TNC: variants seen among roughly 807,000 people sequenced by gnomAD.
TNC encodes tenascin.
A neutral mutation model predicts 202.4 loss-of-function variants in TNC; 109 were observed. The ratio of observed to expected loss-of-function variants is 0.54; its 90% CI spans 0.46 to 0.63. The LOEUF (loss-of-function observed/expected upper bound fraction) is 0.63. TNC is among the 30% of genes least tolerant of loss of function. The probability of loss-of-function intolerance (pLI) is 0.00; values close to 1 mark genes in which losing one functional copy is unlikely to be tolerated. For missense variants in TNC, 2,756 were observed against 2,833.3 expected (o/e 0.97, Z 0.62); for synonymous variants, 1,007 against 1,089.7 (o/e 0.92, Z 1.50).
At chr9:115,058,419 C>T (rs1368380322) in intron 14 of TNC, among the ~76,000 whole-genome samples, 1 of 152,190 alleles carries the variant, frequency 6.6e-6, no homozygotes, top group Non-Finnish European at 1.5e-5. Flanking sequence ...GAAAAACACA[C>T]ACACATAAAA....
In TNC at chr9:115,057,244, T is replaced by G. The variant is rs747102821; in HGVS notation, c.4488A>C (p.Ser1496=). The stretch of plus-strand genomic sequence containing the variant: ...TAAAATCAGTACTAGGGGGTAGCCC[T>G]GAGATATGGGCAGTTCGTTCAGCAC... The part of the protein sequence containing the change: ...ISGAERTAHI[S]GLPPSTDFIV... The change falls in exon 15 of 28, where the codon TCA becomes TCC. Residue 1496 remains serine, a synonymous_variant. Coordinates refer to ENST00000350763, the MANE Select transcript of TNC (RefSeq NM_002160.4). The G allele has an allele frequency of 6.2e-7, 1 of 1,614,092 alleles. No individual in the cohort carries two copies. Among genetic ancestry groups the G allele is most frequent in the Non-Finnish European group, 8.5e-7 (1 of 1,179,956 alleles).
chr9:115,044,027 T>A (rs1016211055), intron 17 of TNC, among the ~76,000 whole-genome samples: 1 of 152,168 alleles, frequency 6.6e-6, no homozygotes, highest in Non-Finnish European at 1.5e-5. Flanking sequence ...AGAGCCATGA[T>A]GAAACTCCAA....
At chr9:115,067,320 C>T (rs959776043) in intron 10 of TNC, among the ~76,000 whole-genome samples, 1 of 151,248 alleles carries the variant, frequency 6.6e-6, no homozygotes, top group Admixed American at 6.6e-5. Context: ...GTCTTCTTAG[C>T]TCTCCTTCTT....
At chr9:115,029,779 A>G (rs1829811449) in intron 24 of TNC, among the ~76,000 whole-genome samples, 1 of 152,106 alleles carries the variant, frequency 6.6e-6, no homozygotes, top group African/African-American at 2.4e-5. Context: ...GTGTATATGA[A>G]AACTTCTGTT....
chr9:115,059,027 G>T (rs1173191976), intron 14 of TNC, among the ~76,000 whole-genome samples: 1 of 152,174 alleles, frequency 6.6e-6, no homozygotes, highest in African/African-American at 2.4e-5. Flanking sequence ...GACATTCATA[G>T]CCCAGGACAT....
At chr9:115,044,805 T>G (rs1245834417) in intron 17 of TNC, among the ~76,000 whole-genome samples, 3 of 152,204 alleles carry the variant, frequency 2.0e-5, no homozygotes, top group Non-Finnish European at 2.9e-5. Flanking sequence ...CTTACTAGGT[T>G]GCTGCCTGGA....
Position 115,086,169 on chromosome 9 carries a change from C to G in TNC, c.1562G>C (p.Gly521Ala). ...CVDGQCVCED[G>A]FTGPDCAELS... ...TTCTGCACAGTCAGGGCCGGTGAAG[C>G]CGTCCTCACAGACGCACTGTCCGTC... is the stretch of plus-strand genomic sequence containing the variant. Residue 521 changes from glycine (G) to alanine (A), a missense_variant, in exon 3 of 28, where the codon GGC (glycine) becomes GCC (alanine). Around this residue, in one of 2 missense-constraint regions of TNC, gnomAD observed 2,559 missense variants for 2,546.0 expected, o/e 1.01. Transcript: ENST00000350763. 6.2e-7 allele frequency: 1 copy of G among 1,614,162 alleles called. No homozygotes were observed.
chr9:115,036,814 A>G (rs1830366679), intron 20 of TNC, among the ~76,000 whole-genome samples: 1 of 152,106 alleles, frequency 6.6e-6, no homozygotes, highest in Non-Finnish European at 1.5e-5. Context: ...TTTATTTCCT[A>G]TTCACAGGTG....
At chr9:115,062,239 G>A (rs536192736) in intron 13 of TNC, among the ~76,000 whole-genome samples, 17 of 152,234 alleles carry the variant, frequency 1.1e-4, no homozygotes, top group African/African-American at 4.1e-4. Context: ...TATTGCTCAC[G>A]ACAGTTTCCT....
chr9:115,101,706 G>A (rs1156819668), intron 1 of TNC, among the ~76,000 whole-genome samples: 5 of 152,188 alleles, frequency 3.3e-5, no homozygotes, highest in Non-Finnish European at 5.9e-5. Context: ...AATAGGCCAA[G>A]TAAGGAGCTA....
intron 2 of TNC, among the ~76,000 whole-genome samples, chr9:115,087,812 C>T (rs2133552390): frequency 6.6e-6 from 1 of 151,544 alleles, no homozygotes. Flanking sequence ...TGCCATTCTC[C>T]TGCCTCAGCC....
chr9:115,060,944 G>A (rs956124027), intron 13 of TNC, among the ~76,000 whole-genome samples: 2 of 152,176 alleles, frequency 1.3e-5, no homozygotes, highest in African/African-American at 2.4e-5. Flanking sequence ...TCAGTAAATG[G>A]TGCAGAACAG....
chr9:115,109,956 G>T (rs780644385), intron 1 of TNC, among the ~76,000 whole-genome samples: 9 of 152,212 alleles, frequency 5.9e-5, no homozygotes, highest in Non-Finnish European at 1.3e-4. Context: ...TTCCAGTTGT[G>T]CTAGGTTTCA....
At chr9:115,069,822 CCCTT>C (rs1462701979) in intron 10 of TNC, among the ~76,000 whole-genome samples, 2 of 122,996 alleles carry the variant, frequency 1.6e-5, no homozygotes, top group East Asian at 2.6e-4. Flanking sequence ...CTCCCTCCCT[CCCTT>C]CCTTCCTCCC....
In TNC at chr9:115,030,476, A is replaced by T. The variant is rs1426581867; in HGVS notation, c.5921-71T>A. On this transcript the variant is annotated intron_variant, in intron 23 of 27. Coordinates refer to ENST00000350763, the MANE Select transcript of TNC (RefSeq NM_002160.4). Reference sequence around the variant, plus strand: ...GAGCTGGAGCTTAATTCTTAGCTTAACTCTATGGACTAGAATGCCTGGGGA... The same window carrying T: ...GAGCTGGAGCTTAATTCTTAGCTTATCTCTATGGACTAGAATGCCTGGGGA... The T allele has an allele frequency of 3.4e-6, 5 of 1,468,370 alleles. No homozygotes were observed. In the Admixed American group the frequency reaches 8.6e-5, roughly 25 times the overall value. 91.0% of individuals were successfully genotyped at this position (1,468,370 alleles called of 1,614,324 possible).
intron 26 of TNC, among the ~76,000 whole-genome samples, chr9:115,024,525 T>C (rs1007687301): frequency 2.6e-5 from 4 of 152,220 alleles, no homozygotes; most frequent in African/African-American, 7.2e-5. Flanking sequence ...TAAAGGTGTA[T>C]GCTAAACAGG....
intron 13 of TNC, among the ~76,000 whole-genome samples, chr9:115,060,881 T>A (rs1832491687): frequency 6.6e-6 from 1 of 152,210 alleles, no homozygotes; most frequent in Non-Finnish European, 1.5e-5. Context: ...AGAGCAAAGC[T>A]GTTTGTGTGA....
At position 115,076,053 on chromosome 9, in the gene TNC, C is replaced by T. The variant is rs1833823628; in HGVS notation, c.2929G>A (p.Ala977Thr). The change falls in exon 9 of 28, where the codon GCG (alanine) becomes ACG (threonine). Residue 977 changes from alanine (A) to threonine (T), a missense_variant. Physicochemically the swap from Ala to Thr is moderately conservative, Grantham distance 58 (BLOSUM62 0). Transcript: ENST00000350763. ...AVKEDKESNP[A>T]TINAATELDT... is the part of the protein sequence containing the mutation. ...CCACCTGTGGCTGCGTTGATGGTCG[C>T]TGGATTGCTCTCCTTGTCTTCCTTC... 6.2e-7 allele frequency: 1 copy of T among 1,614,010 alleles called. No homozygotes were observed. Among genetic ancestry groups the T allele is most frequent in the South Asian group, 1.1e-5 (1 of 91,084 alleles).
At chr9:115,080,526 C>A (rs1225975317) in intron 6 of TNC, among the ~76,000 whole-genome samples, 2 of 152,086 alleles carry the variant, frequency 1.3e-5, no homozygotes, top group Non-Finnish European at 2.9e-5. Context: ...CAAGAAGAGT[C>A]GATTACTTAA....
Sources: allele counts gnomAD v4.1 joint callset (sites outside exome capture counted in the v4.1 genomes callset), GRCh38; gene constraint gnomAD v4.1.1; regional missense constraint gnomAD v4.1.1; transcripts MANE v1.5; gene names NCBI Gene and HGNC (gene_info 2026-07-23, HGNC 2026-07-21).